Variants in INSR observed in about 807,000 individuals in gnomAD.
The protein encoded by INSR is insulin receptor, also known as IR.
Under a neutral mutation model 142.6 loss-of-function variants are expected in INSR, and 67 were observed. That is an observed-to-expected ratio of 0.47 (90% CI 0.39 to 0.58). INSR has a LOEUF of 0.58. Ranked by LOEUF, INSR falls within the 20% of genes least tolerant of loss-of-function variation. INSR has a pLI of 0.00. For missense variants in INSR, 1,248 were observed against 1,833.2 expected (o/e 0.68, Z 5.83); for synonymous variants, 756 against 743.1 (o/e 1.02, Z -0.28).
intron 2 of INSR, among the ~76,000 whole-genome samples, chr19:7,242,667 G>A (rs1014023684): frequency 6.7e-6 from 1 of 148,352 alleles, no homozygotes; most frequent in Non-Finnish European, 1.5e-5. Context: ...AACCCGGGAG[G>A]TGGAGGTTAC....
At chr19:7,162,870 C>T (rs1973791260) in intron 9 of INSR, among the ~76,000 whole-genome samples, 162 bp downstream of exon 9, 2 of 151,532 alleles carry the variant, frequency 1.3e-5, no homozygotes, top group South Asian at 4.2e-4. Flanking sequence ...TAGATAAAAA[C>T]ATGTATGTGT....
intron 14 of INSR, among the ~76,000 whole-genome samples, chr19:7,129,165 G>A (rs974392195): frequency 3.9e-5 from 6 of 152,094 alleles, no homozygotes; most frequent in African/African-American, 1.4e-4. Context: ...GGGCTCAGAG[G>A]TCAGTATTCT....
chr19:7,213,405 A>G (rs1975340829), intron 2 of INSR, among the ~76,000 whole-genome samples: 1 of 151,862 alleles, frequency 6.6e-6, no homozygotes, highest in African/African-American at 2.4e-5. Flanking sequence ...ACCCTCCATA[A>G]AGTATGCAAA....
chr19:7,198,317 G>A (rs1371694678), intron 2 of INSR, among the ~76,000 whole-genome samples: 1 of 151,916 alleles, frequency 6.6e-6, no homozygotes, highest in Non-Finnish European at 1.5e-5. Flanking sequence ...GGCAGTGGCC[G>A]CCGCCGGGCG....
chr19:7,240,814 C>G (rs11673387), intron 2 of INSR, among the ~76,000 whole-genome samples: 151,955 of 152,322 alleles, frequency 1, 75,808 homozygotes, highest in African/African-American at 1. Flanking sequence ...ATATTGTATA[C>G]AATTACCTCC....
chr19:7,145,976 G>A (rs1973174974), intron 11 of INSR, among the ~76,000 whole-genome samples: 1 of 152,078 alleles, frequency 6.6e-6, no homozygotes, highest in Non-Finnish European at 1.5e-5. Context: ...TCTATTATGA[G>A]TTTTATGAAG....
chr19:7,235,293 A>G (rs896726428), intron 2 of INSR, among the ~76,000 whole-genome samples: 3 of 152,154 alleles, frequency 2.0e-5, no homozygotes, highest in South Asian at 2.1e-4. Flanking sequence ...GACCACTGCT[A>G]TGCTCTCCCC....
At chr19:7,142,091 G>A (rs1325069843) in intron 12 of INSR, among the ~76,000 whole-genome samples, 2 of 150,086 alleles carry the variant, frequency 1.3e-5, no homozygotes, top group South Asian at 2.2e-4. Context: ...TTTACATAAT[G>A]ATTGCCTATG....
intron 2 of INSR, among the ~76,000 whole-genome samples, chr19:7,221,859 A>C: frequency 6.6e-6 from 1 of 152,108 alleles, no homozygotes; most frequent in East Asian, 1.9e-4. Flanking sequence ...AGGACACAGG[A>C]ATCAGAGTAA....
chr19:7,211,679 A>G (rs899413083), intron 2 of INSR, among the ~76,000 whole-genome samples: 1 of 152,044 alleles, frequency 6.6e-6, no homozygotes, highest in South Asian at 2.1e-4. Context: ...TCAACAGCTG[A>G]CTCTACTCCC....
intron 2 of INSR, among the ~76,000 whole-genome samples, chr19:7,259,943 C>T (rs534409009): frequency 3.4e-4 from 51 of 151,748 alleles, no homozygotes; most frequent in Admixed American, 1.2e-3. Context: ...AGTTTGAGAC[C>T]GACCTGAGCC....
At position 7,215,541 on chromosome 19, in the gene INSR, G is replaced by A. The variant is rs769266283; in HGVS notation, c.653-30904C>T. ...ACGCCAGCAGCCCCTGAAAACTACC[G>A]AGCTTCCTTTTCCTGTATTTATTTA... On this transcript the variant is annotated intron_variant, in intron 2 of 21. Transcript: ENST00000302850. Among the ~76,000 whole-genome samples the A allele has an allele frequency of 1.2e-4, 17 of 136,036 alleles. No individual in the cohort carries two copies. The East Asian group carries it at 2.1e-3, about 17-fold the overall frequency. The allele number at this position is 136,036 out of a possible 152,430, so 89.2% of individuals were successfully genotyped here. A position where few individuals can be genotyped will look rare whatever the true frequency, so the allele number is the denominator to read the frequency against.
rs1028171023 is a variant in INSR at position 7,119,882 on chromosome 19, A to G, written c.3660-299T>C. On this transcript the variant is annotated intron_variant, in intron 20 of 21. Transcript: ENST00000302850. This position sits in a 1 kb window ranked among gnomAD's most constrained non-coding sequence, Gnocchi z 5.2. ...CACACATGCAAACACACACAAACAC[A>G]CATATGCACACACATACACACACAA... Among the ~76,000 whole-genome samples, 19 of 152,014 alleles carry G rather than the reference A, an allele frequency of 1.2e-4. No individual in the cohort carries two copies. Among genetic ancestry groups the G allele is most frequent in the Admixed American group, 2.0e-4 (3 of 15,254 alleles).
At position 7,192,028 on chromosome 19, in the gene INSR, G is replaced by C. The variant is rs1974607482; in HGVS notation, c.653-7391C>G. 6.9e-6 allele frequency among the ~76,000 whole-genome samples: 1 copy of C among 145,244 alleles called. No homozygotes were observed. The highest frequency in any genetic ancestry group is 2.2e-4 in the South Asian group (1 of 4,532). ...GAAAGAAAGAAGAGGGAGAAAGAAA[G>C]AGAAAGAAAGAGGCAGGAAGGGAGG... On this transcript the variant is annotated intron_variant, in intron 2 of 21. Transcript: ENST00000302850. This position sits in a 1 kb window ranked among gnomAD's most constrained non-coding sequence, Gnocchi z 4.2.
intron 1 of INSR, among the ~76,000 whole-genome samples, chr19:7,272,706 G>A (rs1351400879): frequency 6.6e-6 from 1 of 152,118 alleles, no homozygotes; most frequent in Non-Finnish European, 1.5e-5. Flanking sequence ...TATGCCTCCA[G>A]TATAGCTGGA....
chr19:7,180,050 C>A (rs1384093527), intron 3 of INSR, among the ~76,000 whole-genome samples: 4 of 152,222 alleles, frequency 2.6e-5, no homozygotes, highest in African/African-American at 9.6e-5. Flanking sequence ...ACACAAGAGG[C>A]TCCCCTAAAC....
In INSR at chr19:7,184,378, G is replaced by A. The variant is rs893964695; in HGVS notation, c.912C>T (p.Tyr304=). Residue 304 remains tyrosine, a synonymous_variant, in exon 3 of 22, where the codon TAC becomes TAT. Coordinates refer to ENST00000302850, the MANE Select transcript of INSR (RefSeq NM_000208.4). The stretch of plus-strand genomic sequence containing the variant: ...GGATGCACTTGTTGTTGTGAATGAC[G>A]TACTGGTGGCAGCCCTGCCTCCGCG... ...KNSRRQGCHQ[Y]VIHNNKCIPE... 1.7e-5 allele frequency: 27 copies of A among 1,613,920 alleles called. No individual in the cohort carries two copies. The highest frequency in any genetic ancestry group is 2.2e-5 in the East Asian group (1 of 44,884).
intron 17 of INSR, 87 bp from the exon 18 acceptor site, chr19:7,123,076 A>ACACAG: frequency 1.0e-6 from 1 of 971,200 alleles, no homozygotes; most frequent in Non-Finnish European, 1.6e-6. Context: ...TCTATGTCAC[A>ACACAG]CACAGCACCC....
chr19:7,254,028 C>CAAAA lies in INSR; in HGVS notation c.652+13313_652+13316dup, dbSNP rs59085878. On this transcript the variant is annotated intron_variant, in intron 2 of 21. Transcript: ENST00000302850. Reference sequence around the variant, plus strand: ...TGGGTGACAGAGCGAAACTCCATCTCAAAAAAAAAAAGAAAAAAGAAAAGA... The same window carrying CAAAA: ...TGGGTGACAGAGCGAAACTCCATCTCAAAAAAAAAAAAAAAGAAAAAAGAAAAGA... Among the ~76,000 whole-genome samples the CAAAA allele has an allele frequency of 6.6e-4, 83 of 125,164 alleles. 4 individuals carry two copies. The highest frequency in any genetic ancestry group is 1.0e-3 in the African/African-American group (33 of 32,682). 82.1% of individuals were successfully genotyped at this position (125,164 alleles called of 152,430 possible).
Sources: allele counts gnomAD v4.1 joint callset (sites outside exome capture counted in the v4.1 genomes callset), GRCh38; gene constraint gnomAD v4.1.1; non-coding constraint Gnocchi (gnomAD v3.1); transcripts MANE v1.5; gene names NCBI Gene and HGNC (gene_info 2026-07-23, HGNC 2026-07-21).